The following PRKG1 variants were observed in gnomAD, a reference collection of about 807,000 sequenced individuals.
PRKG1 encodes the protein protein kinase cGMP-dependent 1, also known as cGMP-dependent protein kinase 1.
Under a neutral mutation model 88.1 loss-of-function variants are expected in PRKG1, and 35 were observed. That is an observed-to-expected ratio of 0.40 (90% confidence interval 0.30 to 0.53). The LOEUF (loss-of-function observed/expected upper bound fraction) is 0.53. Among genes scored for constraint, PRKG1 ranks in the 20% least tolerant of loss-of-function variants. The pLI, the probability that PRKG1 is intolerant of heterozygous loss-of-function variation, is 0.59. For synonymous variants in PRKG1, 303 were observed against 292.5 expected (o/e 1.04, Z -0.37); for missense variants, 540 against 839.8 (o/e 0.64, Z 4.41).
At chr10:51,181,224 A>ATTTTTTTTTTTTTTTTTTTTTT (rs1223588085) in intron 2 of PRKG1, among the ~76,000 whole-genome samples, 2 of 78,278 alleles carry the variant, frequency 2.6e-5, no homozygotes, top group African/African-American at 5.1e-5. Flanking sequence ...ATTATATAGA[A>ATTTTTTTTTTTTTTTTTTTTTT]TTTTTTTTTT....
At chr10:51,063,338 C>A (rs1482343129) in intron 1 of PRKG1, among the ~76,000 whole-genome samples, 1 of 152,042 alleles carries the variant, frequency 6.6e-6, no homozygotes, top group East Asian at 1.9e-4. Flanking sequence ...TTACACAAAC[C>A]TAGATGGTAT....
At chr10:51,208,845 G>C (rs1008395113) in intron 2 of PRKG1, among the ~76,000 whole-genome samples, 2 of 152,156 alleles carry the variant, frequency 1.3e-5, no homozygotes, top group African/African-American at 4.8e-5. Context: ...GCCTCGAATG[G>C]AATAGGACTA....
chr10:51,187,010 T>C (rs931854916), intron 2 of PRKG1, among the ~76,000 whole-genome samples: 2 of 147,734 alleles, frequency 1.4e-5, no homozygotes, highest in African/African-American at 5.0e-5. Context: ...TTTATTCCTT[T>C]TGCTTCCTTT....
intron 2 of PRKG1, among the ~76,000 whole-genome samples, chr10:51,187,463 A>G (rs1837521737): frequency 6.6e-6 from 1 of 152,096 alleles, no homozygotes; most frequent in African/African-American, 2.4e-5. Flanking sequence ...TTAAAAGTTG[A>G]CCTTTTTTCC....
intron 5 of PRKG1, among the ~76,000 whole-genome samples, chr10:51,993,424 C>T (rs1448223980): frequency 6.6e-6 from 1 of 152,024 alleles, no homozygotes; most frequent in Non-Finnish European, 1.5e-5. Context: ...CTAGTGGGAG[C>T]ATTAATAAAA....
At chr10:51,000,824 A>G (rs1842881735) in intron 1 of PRKG1, among the ~76,000 whole-genome samples, 1 of 152,086 alleles carries the variant, frequency 6.6e-6, no homozygotes, top group Non-Finnish European at 1.5e-5. Flanking sequence ...TTTGGGAAAG[A>G]TTGTTTTAAA....
intron 5 of PRKG1, chr10:51,909,377 G>T (rs1842163901): frequency 6.6e-6 from 1 of 152,064 alleles, no homozygotes; most frequent in African/African-American, 2.4e-5. Context: ...CCCTGAAGGA[G>T]GGAGCAGCCA....
intron 3 of PRKG1, among the ~76,000 whole-genome samples, chr10:51,730,985 G>T (rs1261678610): frequency 6.6e-6 from 1 of 151,996 alleles, no homozygotes; most frequent in Admixed American, 6.6e-5. Context: ...ATGAAACCCT[G>T]TCTCTACTAA....
chr10:51,019,851 A>T (rs1400246908), intron 1 of PRKG1, among the ~76,000 whole-genome samples: 3 of 152,044 alleles, frequency 2.0e-5, no homozygotes, highest in Non-Finnish European at 4.4e-5. Context: ...ATGAATAGAA[A>T]TTTTTTTAAA....
chr10:51,208,237 T>G (rs868437328), intron 2 of PRKG1, among the ~76,000 whole-genome samples: 45 of 152,292 alleles, frequency 3.0e-4, no homozygotes, highest in African/African-American at 1.1e-3. Flanking sequence ...TTTTTATATG[T>G]GTAGATGATG....
chr10:51,209,737 AC>A (rs1305977703), intron 2 of PRKG1, among the ~76,000 whole-genome samples: 1 of 152,186 alleles, frequency 6.6e-6, no homozygotes, highest in Non-Finnish European at 1.5e-5. Context: ...AAATTAGTAT[AC>A]AAAATTTGGG....
At chr10:52,047,231 G>A (rs1378404103) in intron 5 of PRKG1, among the ~76,000 whole-genome samples, 2 of 152,064 alleles carry the variant, frequency 1.3e-5, no homozygotes, top group Non-Finnish European at 1.5e-5. Flanking sequence ...AGGAAGGAGA[G>A]CATATTAAAA....
chr10:51,805,325 C>T (rs770619420), intron 4 of PRKG1, among the ~76,000 whole-genome samples: 14 of 151,718 alleles, frequency 9.2e-5, no homozygotes, highest in Non-Finnish European at 1.6e-4. Flanking sequence ...TAAAAACCAG[C>T]TTTTTATTTC....
chr10:52,064,686 G>A lies in PRKG1; in HGVS notation c.935+2055G>A, dbSNP rs186669330. ...GCCCCAGGAGCACAGGGATGCCTGG[G>A]CCCACAGTCGTGGCTTAGGCAGCTG... is the stretch of plus-strand genomic sequence containing the variant. On this transcript the variant is annotated intron_variant, in intron 7 of 17. Coordinates refer to ENST00000373980, the MANE Select transcript of PRKG1 (RefSeq NM_006258.4). Among the ~76,000 whole-genome samples the A allele has an allele frequency of 1.7e-3, 266 of 152,274 alleles. 2 individuals carry two copies. Among genetic ancestry groups the A allele is most frequent in the African/African-American group, 5.8e-3 (241 of 41,566 alleles).
intron 5 of PRKG1, among the ~76,000 whole-genome samples, chr10:52,032,095 T>C (rs1845489047): frequency 6.6e-6 from 1 of 152,198 alleles, no homozygotes; most frequent in African/African-American, 2.4e-5. Context: ...AGTTGTAGGA[T>C]TGCAGCAGTG....
chr10:52,093,362 ATAACT>A (rs1477556749), intron 7 of PRKG1, among the ~76,000 whole-genome samples: 1 of 152,174 alleles, frequency 6.6e-6, no homozygotes, highest in Non-Finnish European at 1.5e-5. Context: ...GTCAGAGAAA[ATAACT>A]TAAAAGTGAA....
intron 3 of PRKG1, among the ~76,000 whole-genome samples, chr10:51,647,449 G>A (rs1397117710): frequency 2.0e-5 from 3 of 152,166 alleles, no homozygotes; most frequent in Admixed American, 6.5e-5. Context: ...GGGAAGCAGC[G>A]TCCAAGGACA....
intron 3 of PRKG1, among the ~76,000 whole-genome samples, chr10:51,495,240 G>A (rs1254275473): frequency 2.0e-5 from 3 of 152,104 alleles, no homozygotes; most frequent in African/African-American, 4.8e-5. Context: ...GACTACAGGC[G>A]AGCGCCACCA....
At chr10:51,952,637 C>A (rs946158989) in intron 5 of PRKG1, among the ~76,000 whole-genome samples, 1 of 151,990 alleles carries the variant, frequency 6.6e-6, no homozygotes, top group African/African-American at 2.4e-5. Context: ...ATAATATTAG[C>A]AGTAGTTTTT....
Sources: allele counts gnomAD v4.1 joint callset (sites outside exome capture counted in the v4.1 genomes callset), GRCh38; gene constraint gnomAD v4.1.1; transcripts MANE v1.5; gene names NCBI Gene and HGNC (gene_info 2026-07-23, HGNC 2026-07-21).